Variants in HDAC4 observed in about 807,000 individuals in gnomAD.
HDAC4 encodes histone deacetylase A.
HDAC4 carries 16 observed loss-of-function variants against 135.1 expected under a neutral mutation model. That is an observed-to-expected ratio of 0.12 (90% CI 0.08 to 0.18). HDAC4 has a LOEUF of 0.18. Ranked by LOEUF, HDAC4 falls within the 10% of genes least tolerant of loss-of-function variation. The probability of loss-of-function intolerance (pLI) is 1.00; values close to 1 mark genes in which losing one functional copy is unlikely to be tolerated. For synonymous variants in HDAC4, 685 were observed against 653.4 expected, an observed-to-expected ratio of 1.05 and a Z score of -0.74; for missense variants, 1,143 against 1,511.8, an observed-to-expected ratio of 0.76 and a Z score of 4.05.
At chr2:239,214,416 C>T (rs2046509720) in intron 3 of HDAC4, among the ~76,000 whole-genome samples, 1 of 152,252 alleles carries the variant, frequency 6.6e-6, no homozygotes, top group Non-Finnish European at 1.5e-5. Context: ...CAGTGAGTAA[C>T]AACCCCATCT....
At chr2:239,397,504 C>T (rs901262036) in intron 1 of HDAC4, among the ~76,000 whole-genome samples, 1 of 152,170 alleles carries the variant, frequency 6.6e-6, no homozygotes, top group East Asian at 1.9e-4. Context: ...CCCGACCTTC[C>T]TTCCAGGAAG....
At chr2:239,272,774 CT>C (rs1262787187) in intron 2 of HDAC4, among the ~76,000 whole-genome samples, 1 of 152,226 alleles carries the variant, frequency 6.6e-6, no homozygotes, top group Non-Finnish European at 1.5e-5. Context: ...CCCTCTGACT[CT>C]GGCAGAGCAG....
In HDAC4 at chr2:239,093,465, A is replaced by G. The variant is rs145339390; in HGVS notation, c.2280+1545T>C. ...GGAGAGCTGCATCTGTGCCAGCGACAGCAGGTGCATCCCACACCAGGGCAG... is the reference window on the plus strand; with the variant it reads ...GGAGAGCTGCATCTGTGCCAGCGACGGCAGGTGCATCCCACACCAGGGCAG... On this transcript the variant is annotated intron_variant, in intron 17 of 26. Coordinates refer to ENST00000543185, the MANE Select transcript of HDAC4 (RefSeq NM_001378414.1). 2.6e-5 allele frequency among the ~76,000 whole-genome samples: 4 copies of G among 152,336 alleles called. No homozygotes were observed. In the East Asian group the frequency reaches 5.8e-4, roughly 22 times the overall value.
chr2:239,089,352 G>A lies in HDAC4; in HGVS notation c.2388+657C>T, dbSNP rs185024032. Reference sequence around the variant, plus strand: ...TTAATTTTTTAGTTTTTTTTGAGACGGAGTCTCACTCTGTCACCCAGGCTG... The same window carrying A: ...TTAATTTTTTAGTTTTTTTTGAGACAGAGTCTCACTCTGTCACCCAGGCTG... On this transcript the variant is annotated intron_variant, in intron 18 of 26. Coordinates refer to ENST00000543185, the MANE Select transcript of HDAC4 (RefSeq NM_001378414.1). 5.9e-3 allele frequency among the ~76,000 whole-genome samples: 900 copies of A among 151,804 alleles called. 14 individuals are homozygous for A. Among genetic ancestry groups the A allele is most frequent in the African/African-American group, 0.021 (856 of 41,376 alleles).
chr2:239,164,002 A>T (rs2152972030), intron 5 of HDAC4, 79 bp from the exon 6 acceptor site: 28 of 1,539,408 alleles, frequency 1.8e-5, no homozygotes, highest in East Asian at 6.9e-5. Context: ...GGGGCCACAG[A>T]GGGAGGGAAG....
At chr2:239,292,540 C>T (rs1248611862) in intron 2 of HDAC4, among the ~76,000 whole-genome samples, 1 of 152,132 alleles carries the variant, frequency 6.6e-6, no homozygotes, top group Non-Finnish European at 1.5e-5. Flanking sequence ...TGGCAGGGCC[C>T]AGAAAATACA....
chr2:239,162,911 C>G (rs1314554844), intron 6 of HDAC4, among the ~76,000 whole-genome samples: 1 of 151,948 alleles, frequency 6.6e-6, no homozygotes, highest in African/African-American at 2.4e-5. Flanking sequence ...TATTTTTTTT[C>G]CAACGAAATT....
intron 3 of HDAC4, among the ~76,000 whole-genome samples, chr2:239,230,399 G>C (rs1169420834): frequency 7.0e-6 from 1 of 142,146 alleles, no homozygotes; most frequent in East Asian, 2.1e-4. Context: ...AAGCAAAGCA[G>C]GTGACATGTT....
intron 1 of HDAC4, among the ~76,000 whole-genome samples, chr2:239,379,543 C>T (rs1695265889): frequency 6.6e-6 from 1 of 152,188 alleles, no homozygotes; most frequent in African/African-American, 2.4e-5. Context: ...CTGGCAGGTC[C>T]CCTCGGCCTG....
intron 26 of HDAC4, 42 bp from the exon 27 acceptor site, chr2:239,053,178 G>A (rs764022653): frequency 3.7e-6 from 6 of 1,610,058 alleles, no homozygotes; most frequent in Admixed American, 1.7e-5. Context: ...CGTGGGGCAG[G>A]TGCACCACAG....
chr2:239,235,407 C>T (rs1177404329), intron 3 of HDAC4, among the ~76,000 whole-genome samples: 1 of 152,324 alleles, frequency 6.6e-6, no homozygotes, highest in South Asian at 2.1e-4. Context: ...ATGAGTGGGT[C>T]TAACTGGGGC....
chr2:239,375,668 G>C (rs1452880087), intron 1 of HDAC4, among the ~76,000 whole-genome samples: 1 of 152,218 alleles, frequency 6.6e-6, no homozygotes, highest in East Asian at 1.9e-4. Flanking sequence ...TCACGCACAG[G>C]CTCCAGTGGC....
chr2:239,157,052 C>A (rs1245367448), intron 6 of HDAC4, among the ~76,000 whole-genome samples: 1 of 152,224 alleles, frequency 6.6e-6, no homozygotes, highest in East Asian at 1.9e-4. Context: ...GGCTGTTCTC[C>A]ACCTGGCCCT....
At chr2:239,253,365 T>C (rs1436588992) in intron 2 of HDAC4, among the ~76,000 whole-genome samples, 1 of 152,254 alleles carries the variant, frequency 6.6e-6, no homozygotes, top group Non-Finnish European at 1.5e-5. Flanking sequence ...TATGCTGTTA[T>C]GACCGATGTC....
At chr2:239,284,376 T>G (rs916095251) in intron 2 of HDAC4, among the ~76,000 whole-genome samples, 1 of 152,176 alleles carries the variant, frequency 6.6e-6, no homozygotes, top group Non-Finnish European at 1.5e-5. Context: ...TGAGCCACTG[T>G]GCTGACCCAG....
chr2:239,325,191 T>TC (rs1266323788), intron 2 of HDAC4, among the ~76,000 whole-genome samples: 1 of 152,200 alleles, frequency 6.6e-6, no homozygotes, highest in East Asian at 1.9e-4. Context: ...GGCAGTGGCT[T>TC]CTTAGATATG....
At chr2:239,103,895 A>G (rs2037883416) in intron 15 of HDAC4, among the ~76,000 whole-genome samples, 1 of 152,272 alleles carries the variant, frequency 6.6e-6, no homozygotes, top group African/African-American at 2.4e-5. Flanking sequence ...GAAGGGGCGG[A>G]GCCAAGAACT....
intron 22 of HDAC4, among the ~76,000 whole-genome samples, chr2:239,071,353 T>A (rs1430986003): frequency 6.6e-6 from 1 of 152,064 alleles, no homozygotes; most frequent in Non-Finnish European, 1.5e-5. Context: ...AGGCAGAGGT[T>A]GCAGTGAGTC....
intron 12 of HDAC4, among the ~76,000 whole-genome samples, chr2:239,123,267 C>A (rs781693275): frequency 2.0e-5 from 3 of 152,236 alleles, no homozygotes; most frequent in Non-Finnish European, 4.4e-5. Flanking sequence ...GTAAAGATGC[C>A]TGGCAGGCGC....
Sources: allele counts gnomAD v4.1 joint callset (sites outside exome capture counted in the v4.1 genomes callset), GRCh38; gene constraint gnomAD v4.1.1; transcripts MANE v1.5; gene names NCBI Gene and HGNC (gene_info 2026-07-23, HGNC 2026-07-21).